The following FAM227B variants were observed in gnomAD, a reference collection of about 807,000 sequenced individuals.
FAM227B encodes the protein protein FAM227B.
In FAM227B, 88 loss-of-function variants were observed where a neutral mutation model predicts 73.8. That is an observed-to-expected ratio of 1.19 (90% CI 1.00 to 1.42). FAM227B has a LOEUF of 1.42. FAM227B is among the 40% of genes most tolerant of loss of function. FAM227B has a pLI of 0.00. For synonymous variants in FAM227B, 210 were observed against 190.5 expected (o/e 1.10, Z -0.84); for missense variants, 632 against 590.9 (o/e 1.07, Z -0.72).
intron 3 of FAM227B, among the ~76,000 whole-genome samples, chr15:49,604,205 G>A (rs2077372160): frequency 6.6e-6 from 1 of 151,876 alleles, no homozygotes; most frequent in Non-Finnish European, 1.5e-5. Flanking sequence ...TATATTGTTA[G>A]TGTTCTTCAT....
intron 11 of FAM227B, among the ~76,000 whole-genome samples, chr15:49,498,622 G>C (rs1033437039): frequency 3.9e-5 from 6 of 152,180 alleles, no homozygotes; most frequent in Non-Finnish European, 7.3e-5. Context: ...CAAATATTTA[G>C]AGATAAATAA....
At chr15:49,509,607 A>C (rs1597731265) in intron 10 of FAM227B, among the ~76,000 whole-genome samples, 1 of 145,850 alleles carries the variant, frequency 6.9e-6, no homozygotes. Context: ...TTTTTTTGCA[A>C]ATTAGCCACT....
At chr15:49,618,494 T>C (rs2078440952) in intron 1 of FAM227B, among the ~76,000 whole-genome samples, 1 of 152,254 alleles carries the variant, frequency 6.6e-6, no homozygotes, top group Non-Finnish European at 1.5e-5. Flanking sequence ...TAAAAAGTTG[T>C]ATTAAAAGTT....
At chr15:49,557,789 A>G (rs1359753752) in intron 9 of FAM227B, among the ~76,000 whole-genome samples, 1 of 152,198 alleles carries the variant, frequency 6.6e-6, no homozygotes, top group Non-Finnish European at 1.5e-5. Context: ...CTCCAGATTG[A>G]GATGGAGAGC....
chr15:49,561,131 AC>A (rs1166743008), intron 9 of FAM227B, among the ~76,000 whole-genome samples: 2 of 152,128 alleles, frequency 1.3e-5, no homozygotes, highest in Non-Finnish European at 2.9e-5. Context: ...TCCTCAAGAG[AC>A]CCATCTCACA....
chr15:49,495,588 A>G (rs1371539869), intron 11 of FAM227B, among the ~76,000 whole-genome samples: 3 of 152,166 alleles, frequency 2.0e-5, no homozygotes, highest in Non-Finnish European at 4.4e-5. Flanking sequence ...TTTTCTTTTA[A>G]TGATGTATAA....
intron 11 of FAM227B, among the ~76,000 whole-genome samples, chr15:49,407,516 T>G (rs945430138): frequency 6.6e-6 from 1 of 152,018 alleles, no homozygotes; most frequent in Admixed American, 6.6e-5. Context: ...TTGTCTAGTC[T>G]GCCATCTTGC....
At chr15:49,615,293 A>C in intron 1 of FAM227B, 50 bp from the exon 2 acceptor site, 1 of 822,028 alleles carries the variant, frequency 1.2e-6, no homozygotes, top group East Asian at 2.4e-5. Flanking sequence ...TCAGCCAAAC[A>C]ATCCCTTTCC....
rs186124888 is a variant in FAM227B at position 49,454,885 on chromosome 15, A to G, written c.1012+53326T>C. 7.0e-3 allele frequency among the ~76,000 whole-genome samples: 1,070 copies of G among 152,300 alleles called. 10 individuals are homozygous for G. Among genetic ancestry groups the G allele is most frequent in the Middle Eastern group, 0.024 (7 of 294 alleles). On this transcript the variant is annotated intron_variant, in intron 11 of 15. Transcript: ENST00000299338. ...CGGCCTCCCAAAGTGCTGGGATTAC[A>G]GGTGTGAGCCACTGGACCCAGCCAT...
chr15:49,439,278 G>A (rs911685576), intron 11 of FAM227B, among the ~76,000 whole-genome samples: 2 of 149,580 alleles, frequency 1.3e-5, no homozygotes, highest in African/African-American at 4.9e-5. Context: ...AGAGGGGTAG[G>A]AGAGAGAGAG....
At chr15:49,597,783 G>T (rs1442514115) in intron 3 of FAM227B, among the ~76,000 whole-genome samples, 2 of 151,838 alleles carry the variant, frequency 1.3e-5, no homozygotes, top group East Asian at 3.9e-4. Context: ...GGAAAGAAAG[G>T]GGAGATATTA....
chr15:49,349,674 T>C (rs1468371798), intron 13 of FAM227B, among the ~76,000 whole-genome samples: 1 of 152,152 alleles, frequency 6.6e-6, no homozygotes, highest in Admixed American at 6.5e-5. Context: ...AGAAATATTC[T>C]AACTGTAAAA....
chr15:49,403,668 G>A (rs1467711999), intron 11 of FAM227B, among the ~76,000 whole-genome samples: 8 of 151,878 alleles, frequency 5.3e-5, no homozygotes, highest in Admixed American at 5.2e-4. Flanking sequence ...TATTGGTCTA[G>A]CTAGCAGTCT....
intron 11 of FAM227B, among the ~76,000 whole-genome samples, chr15:49,376,879 G>A (rs1032053329): frequency 1.3e-5 from 2 of 151,892 alleles, no homozygotes; most frequent in Admixed American, 6.6e-5. Flanking sequence ...TATTGTAAAT[G>A]GGGTGGTTTT....
At chr15:49,567,687 T>A (rs1022833382) in intron 9 of FAM227B, among the ~76,000 whole-genome samples, 1 of 152,136 alleles carries the variant, frequency 6.6e-6, no homozygotes, top group South Asian at 2.1e-4. Context: ...AAATGCTAAA[T>A]ATTAAACTTA....
intron 11 of FAM227B, among the ~76,000 whole-genome samples, chr15:49,439,867 C>A (rs2051471079): frequency 6.6e-6 from 1 of 151,654 alleles, no homozygotes; most frequent in Non-Finnish European, 1.5e-5. Flanking sequence ...AATTACAGGT[C>A]TGGAAGGAAG....
intron 15 of FAM227B, chr15:49,329,060 G>A: frequency 1.0e-6 from 1 of 997,506 alleles, no homozygotes; most frequent in Non-Finnish European, 1.2e-6. Flanking sequence ...TCTAATCCAA[G>A]AGGCACTTCC....
intron 11 of FAM227B, among the ~76,000 whole-genome samples, chr15:49,499,165 CAAAAAAAAAAA>C (rs11355557): frequency 1.9e-5 from 1 of 53,008 alleles, no homozygotes; most frequent in East Asian, 6.2e-4. Flanking sequence ...GACTCCGTCT[CAAAAAAAAAAA>C]AAAAAAAAAA....
chr15:49,508,700 G>A (rs1303952310), intron 10 of FAM227B, among the ~76,000 whole-genome samples: 2 of 152,078 alleles, frequency 1.3e-5, no homozygotes, highest in Admixed American at 6.5e-5. Flanking sequence ...TCTCAGCGGT[G>A]AGTGTTCAAT....
Sources: gnomAD v4.1 joint callset for allele counts (sites outside exome capture counted in the v4.1 genomes callset) on GRCh38, gnomAD v4.1.1 for gene constraint, MANE v1.5 for transcripts, NCBI Gene and HGNC (gene_info 2026-07-23, HGNC 2026-07-21) for gene names.